The following DLG2 variants were observed in gnomAD, a reference collection of about 807,000 sequenced individuals.
DLG2 encodes disks large homolog 2.
Under a neutral mutation model 132.5 loss-of-function variants are expected in DLG2, and 45 were observed. The ratio of observed to expected loss-of-function variants is 0.34; its 90% confidence interval spans 0.27 to 0.44. The LOEUF (loss-of-function observed/expected upper bound fraction) is 0.44. DLG2 is among the 20% of genes least tolerant of loss of function. The probability of loss-of-function intolerance (pLI) is 1.00; values close to 1 mark genes in which losing one functional copy is unlikely to be tolerated. For synonymous variants in DLG2, 424 were observed against 419.6 expected, an observed-to-expected ratio of 1.01 and a Z score of -0.13; for missense variants, 1,045 against 1,196.9, an observed-to-expected ratio of 0.87 and a Z score of 1.87.
intron 7 of DLG2, among the ~76,000 whole-genome samples, chr11:84,409,901 G>T (rs927576655): frequency 5.3e-5 from 8 of 152,178 alleles, no homozygotes; most frequent in African/African-American, 1.9e-4. Context: ...GACCATACAA[G>T]CAGCTTCTAA....
At chr11:84,273,487 C>T (rs972313616) in intron 7 of DLG2, among the ~76,000 whole-genome samples, 26 of 152,210 alleles carry the variant, frequency 1.7e-4, no homozygotes, top group African/African-American at 6.3e-4. Context: ...ATTTTCATTC[C>T]TACACTTGTG....
At chr11:85,368,066 G>GACTT (rs2084688400) in intron 3 of DLG2, among the ~76,000 whole-genome samples, 1 of 152,202 alleles carries the variant, frequency 6.6e-6, no homozygotes, top group South Asian at 2.1e-4. Context: ...CCAATCATGA[G>GACTT]ACTTACCTAT....
chr11:83,574,428 T>A lies in DLG2; in HGVS notation c.1941-32570A>T, dbSNP rs973972050. On this transcript the variant is annotated intron_variant, in intron 19 of 27. Coordinates refer to ENST00000376104, the MANE Select transcript of DLG2 (RefSeq NM_001142699.3). Reference sequence around the variant, plus strand: ...ATATTGCATATAAGACAGTATTTTTTAAGGTTGGAAATAAATGTATAAGGA... The same window carrying A: ...ATATTGCATATAAGACAGTATTTTTAAAGGTTGGAAATAAATGTATAAGGA... Among the ~76,000 whole-genome samples, 7 of 152,180 alleles carry A rather than the reference T, an allele frequency of 4.6e-5. No homozygotes were observed. The East Asian group carries it at 7.7e-4, about 17-fold the overall frequency.
At chr11:84,453,649 T>A (rs1193066761) in intron 7 of DLG2, among the ~76,000 whole-genome samples, 1 of 151,708 alleles carries the variant, frequency 6.6e-6, no homozygotes, top group African/African-American at 2.4e-5. Flanking sequence ...ACTTATCTTA[T>A]TTAATTTTCA....
At chr11:83,849,677 T>C (rs2059293607) in intron 16 of DLG2, among the ~76,000 whole-genome samples, 1 of 151,890 alleles carries the variant, frequency 6.6e-6, no homozygotes, top group Admixed American at 6.6e-5. Context: ...ATTACTTCTC[T>C]CAGCATAGCA....
At chr11:84,267,320 A>G (rs370845699) in intron 7 of DLG2, among the ~76,000 whole-genome samples, 1 of 152,220 alleles carries the variant, frequency 6.6e-6, no homozygotes, top group African/African-American at 2.4e-5. Flanking sequence ...GGGAAAAGGC[A>G]TGTCTTCTGG....
chr11:85,411,712 G>A (rs1222360112), intron 3 of DLG2, among the ~76,000 whole-genome samples: 1 of 151,854 alleles, frequency 6.6e-6, no homozygotes, highest in Non-Finnish European at 1.5e-5. Flanking sequence ...TTTGATTGAT[G>A]GGAGTGATAA....
intron 3 of DLG2, among the ~76,000 whole-genome samples, chr11:85,399,214 A>C (rs1163035769): frequency 1.3e-5 from 2 of 152,200 alleles, no homozygotes; most frequent in East Asian, 1.9e-4. Context: ...CTAGGAATCC[A>C]ACTTCCAGGG....
intron 9 of DLG2, among the ~76,000 whole-genome samples, chr11:84,129,767 G>A (rs867182808): frequency 1.3e-5 from 2 of 151,940 alleles, no homozygotes; most frequent in African/African-American, 4.8e-5. Context: ...TGCCGATTAT[G>A]GGGTCTTAAA....
intron 6 of DLG2, among the ~76,000 whole-genome samples, chr11:84,637,678 C>T (rs899826036): frequency 1.7e-4 from 26 of 152,178 alleles, no homozygotes; most frequent in African/African-American, 6.0e-4. Context: ...GGCAAAAGTG[C>T]CAGGCACTAC....
intron 15 of DLG2, among the ~76,000 whole-genome samples, chr11:83,914,246 A>G (rs74326092): frequency 6.6e-6 from 1 of 152,150 alleles, no homozygotes; most frequent in South Asian, 2.1e-4. Flanking sequence ...ATCTGGCTGT[A>G]AAAAACAATC....
intron 18 of DLG2, among the ~76,000 whole-genome samples, chr11:83,666,498 C>T (rs868306035): frequency 3.3e-5 from 5 of 152,192 alleles, no homozygotes; most frequent in Middle Eastern, 3.4e-3. Context: ...ATCTAATGCC[C>T]GATGACTGAT....
chr11:84,294,648 G>C (rs562478951), intron 7 of DLG2, among the ~76,000 whole-genome samples: 1 of 152,098 alleles, frequency 6.6e-6, no homozygotes, highest in African/African-American at 2.4e-5. Flanking sequence ...CTCTATAAGA[G>C]ACAAAATTTA....
At chr11:85,557,993 A>G (rs1021441103) in intron 3 of DLG2, among the ~76,000 whole-genome samples, 1 of 151,998 alleles carries the variant, frequency 6.6e-6, no homozygotes, top group Non-Finnish European at 1.5e-5. Flanking sequence ...CTGCACAGCA[A>G]AAGACACTAC....
intron 6 of DLG2, among the ~76,000 whole-genome samples, chr11:84,733,073 C>A (rs1235531158): frequency 6.6e-6 from 1 of 152,132 alleles, no homozygotes; most frequent in African/African-American, 2.4e-5. Context: ...CAAGTCTTTG[C>A]TATTGTGAAT....
chr11:84,204,185 G>A (rs1437062988), intron 8 of DLG2, among the ~76,000 whole-genome samples: 4 of 152,248 alleles, frequency 2.6e-5, no homozygotes, highest in Admixed American at 2.6e-4. Flanking sequence ...TCGAACTCCC[G>A]ACCTCAGGTG....
chr11:83,465,304 A>T (rs965359501), intron 26 of DLG2, among the ~76,000 whole-genome samples: 1 of 152,142 alleles, frequency 6.6e-6, no homozygotes, highest in South Asian at 2.1e-4. Context: ...TAATTCTCTC[A>T]GGCTGCCACT....
chr11:83,583,384 C>G (rs988364189), intron 19 of DLG2, among the ~76,000 whole-genome samples: 4 of 152,146 alleles, frequency 2.6e-5, no homozygotes, highest in African/African-American at 9.7e-5. Flanking sequence ...CTTCACTGTA[C>G]TTTTGGTTGA....
intron 6 of DLG2, among the ~76,000 whole-genome samples, chr11:84,547,713 C>A (rs930395170): frequency 1.3e-5 from 2 of 152,138 alleles, no homozygotes; most frequent in East Asian, 1.9e-4. Context: ...CCCTGAGAAT[C>A]CCTCTTTTTT....
Sources: allele counts gnomAD v4.1 joint callset (sites outside exome capture counted in the v4.1 genomes callset), GRCh38; gene constraint gnomAD v4.1.1; transcripts MANE v1.5; gene names NCBI Gene and HGNC (gene_info 2026-07-23, HGNC 2026-07-21).